FHOD3: variants seen among roughly 807,000 people sequenced by gnomAD.
FHOD3 encodes FH1/FH2 domain-containing protein 3.
FHOD3 carries 90 observed loss-of-function variants against 173.0 expected under a neutral mutation model. The ratio of observed to expected loss-of-function variants is 0.52; its 90% CI spans 0.44 to 0.62. The LOEUF (loss-of-function observed/expected upper bound fraction) is 0.62, where lower values mean the gene tolerates loss of function less well. FHOD3 is among the 20% of genes least tolerant of loss of function. FHOD3 has a pLI of 0.00. For missense variants in FHOD3, 1,945 were observed against 2,034.7 expected, an observed-to-expected ratio of 0.96 and a Z score of 0.85; for synonymous variants, 828 against 823.0, an observed-to-expected ratio of 1.01 and a Z score of -0.10.
intron 5 of FHOD3, among the ~76,000 whole-genome samples, chr18:36,529,153 G>A (rs1166206296): frequency 6.6e-6 from 1 of 152,232 alleles, no homozygotes; most frequent in East Asian, 1.9e-4. Flanking sequence ...GTAGCTAAAC[G>A]CCATCTTGTT....
Position 36,321,925 on chromosome 18 carries a change from T to C in FHOD3, c.165+23925T>C, listed in dbSNP as rs1347823100. ...CCTGTGTTCTCAGATGCCTCCTTTG[T>C]TGGAATGCCGAGAGACAGGGAAGCC... On this transcript the variant is annotated intron_variant, in intron 1 of 28. Transcript: ENST00000590592. 2.6e-5 allele frequency among the ~76,000 whole-genome samples: 4 copies of C among 152,100 alleles called. No homozygotes were observed. In the East Asian group the frequency reaches 7.7e-4, roughly 29 times the overall value.
intron 5 of FHOD3, among the ~76,000 whole-genome samples, chr18:36,547,568 G>T (rs2057462797): frequency 6.6e-6 from 1 of 152,136 alleles, no homozygotes. Flanking sequence ...ACCGTGCCCA[G>T]CTGTAACCAT....
chr18:36,511,649 G>C (rs1464360740), intron 4 of FHOD3, among the ~76,000 whole-genome samples: 2 of 152,126 alleles, frequency 1.3e-5, no homozygotes, highest in Non-Finnish European at 2.9e-5. Context: ...GAGAAACAGG[G>C]CCTCCCGCTA....
At chr18:36,628,825 G>T (rs1360822269) in intron 10 of FHOD3, among the ~76,000 whole-genome samples, 1 of 152,144 alleles carries the variant, frequency 6.6e-6, no homozygotes, top group Non-Finnish European at 1.5e-5. Flanking sequence ...TTCTCCTGAG[G>T]TACCCCATCT....
intron 7 of FHOD3, among the ~76,000 whole-genome samples, chr18:36,601,547 G>A (rs1012537369): frequency 3.3e-5 from 5 of 152,162 alleles, no homozygotes; most frequent in African/African-American, 1.2e-4. Flanking sequence ...AGGGCATGGA[G>A]ATCAACAAGA....
rs60582813 is a variant in FHOD3, at chr18:36,384,897, T to TACCACC, written c.337+12177_337+12182dup. Reference sequence around the variant, plus strand: ...TAAGCCCTTGGCAAGTGGTGGAAGATACCACCACCACCACCACCACCACCA... The same window carrying TACCACC: ...TAAGCCCTTGGCAAGTGGTGGAAGATACCACCACCACCACCACCACCACCACCACCA... On this transcript the variant is annotated intron_variant, in intron 3 of 28. Transcript: ENST00000590592. Among the ~76,000 whole-genome samples the TACCACC allele has an allele frequency of 9.5e-3, 1,428 of 151,074 alleles. 14 individuals carry two copies. The highest frequency in any genetic ancestry group is 0.02 in the Admixed American group (310 of 15,162).
chr18:36,307,246 G>A (rs1045412716), intron 1 of FHOD3, among the ~76,000 whole-genome samples: 2 of 152,258 alleles, frequency 1.3e-5, no homozygotes, highest in African/African-American at 4.8e-5. Flanking sequence ...ACAGGCATGA[G>A]CCACTGCGCC....
chr18:36,575,865 A>T (rs923175137), intron 5 of FHOD3, among the ~76,000 whole-genome samples: 15 of 152,246 alleles, frequency 9.9e-5, no homozygotes, highest in African/African-American at 3.1e-4. Flanking sequence ...AGGATTTGGT[A>T]TGTGACGAAT....
intron 7 of FHOD3, 116 bp from the exon 8 acceptor site, chr18:36,602,558 G>A (rs960687151): frequency 1.3e-6 from 1 of 782,494 alleles, no homozygotes; most frequent in Admixed American, 2.0e-5. Context: ...TTTGAAATTT[G>A]GTGACTGAAA....
At chr18:36,396,905 T>C (rs2048579451) in intron 3 of FHOD3, among the ~76,000 whole-genome samples, 2 of 152,184 alleles carry the variant, frequency 1.3e-5, no homozygotes, top group South Asian at 4.1e-4. Flanking sequence ...AGACATCTAT[T>C]GTTTTAGCAT....
intron 5 of FHOD3, among the ~76,000 whole-genome samples, chr18:36,532,523 G>A (rs919291843): frequency 2.0e-5 from 3 of 152,196 alleles, no homozygotes; most frequent in East Asian, 1.9e-4. Context: ...GGCAGAGGGA[G>A]CTTCTGGTTT....
intron 5 of FHOD3, 126 bp downstream of exon 5, chr18:36,512,669 C>T (rs1449884617): frequency 1.5e-6 from 1 of 659,340 alleles, no homozygotes; most frequent in Admixed American, 2.7e-5. Flanking sequence ...GTAAAGACAC[C>T]CTTTGGCAAA....
chr18:36,568,367 A>AAAAG (rs1568437858), intron 5 of FHOD3, among the ~76,000 whole-genome samples: 4 of 109,352 alleles, frequency 3.7e-5, no homozygotes, highest in African/African-American at 1.0e-4. Flanking sequence ...AAAAAAAAAA[A>AAAAG]GGTGGTGGAG....
chr18:36,501,951 C>A lies in FHOD3; in HGVS notation c.357C>A (p.Ser119Arg). Reference protein sequence around the residue: ...HACIEKLYNSSGRDLRRALFS... With the variant: ...HACIEKLYNSRGRDLRRALFS... ...TTTCAGAAAAACTATACAACTCCAG[C>A]GGACGAGATTTGAGAAGGGCCCTCT... The change falls in exon 4 of 29, where the codon AGC (serine) becomes AGA (arginine). Residue 119 changes from serine to arginine, a missense_variant. Ser to Arg is a moderately radical substitution (Grantham distance 110). Transcript: ENST00000590592. 1.2e-6 allele frequency: 2 copies of A among 1,603,530 alleles called. No homozygotes were observed. Among genetic ancestry groups the A allele is most frequent in the Non-Finnish European group, 8.5e-7 (1 of 1,174,194 alleles).
At chr18:36,588,410 G>C (rs77522498) in intron 6 of FHOD3, among the ~76,000 whole-genome samples, 1,876 of 152,232 alleles carry the variant, frequency 0.012, 34 homozygotes, top group African/African-American at 0.043. Flanking sequence ...AAACTTTATA[G>C]ATCAAGTTAT....
intron 3 of FHOD3, among the ~76,000 whole-genome samples, chr18:36,412,543 T>A (rs2049409228): frequency 6.6e-6 from 1 of 152,204 alleles, no homozygotes; most frequent in Admixed American, 6.5e-5. Flanking sequence ...TGGAAAGATA[T>A]TATGCGATTT....
intron 7 of FHOD3, among the ~76,000 whole-genome samples, chr18:36,596,047 C>T (rs930800617): frequency 2.0e-5 from 3 of 152,038 alleles, no homozygotes; most frequent in Admixed American, 6.6e-5. Flanking sequence ...TGTGTGTGTG[C>T]GTGCACACTA....
At chr18:36,727,674 TG>T (rs1319497724) in intron 19 of FHOD3, among the ~76,000 whole-genome samples, 1 of 152,098 alleles carries the variant, frequency 6.6e-6, no homozygotes, top group Admixed American at 6.5e-5. Context: ...TGTGTGTTGC[TG>T]TAAGTTGAGC....
chr18:36,631,990 G>T (rs2034548945), intron 10 of FHOD3, among the ~76,000 whole-genome samples: 1 of 151,924 alleles, frequency 6.6e-6, no homozygotes, highest in Admixed American at 6.5e-5. Context: ...CATACATTTT[G>T]CTATGGCTTG....
Sources: gnomAD v4.1 joint callset for allele counts (sites outside exome capture counted in the v4.1 genomes callset) on GRCh38, gnomAD v4.1.1 for gene constraint, MANE v1.5 for transcripts, NCBI Gene and HGNC (gene_info 2026-07-23, HGNC 2026-07-21) for gene names.